Variants in YEATS2 observed in about 807,000 individuals in gnomAD.
The protein encoded by YEATS2 is YEATS domain-containing protein 2.
YEATS2 carries 77 observed loss-of-function variants against 163.2 expected under a neutral mutation model. The ratio of observed to expected loss-of-function variants is 0.47; its 90% CI spans 0.39 to 0.57. The LOEUF is 0.57. Among genes scored for constraint, YEATS2 ranks in the 20% least tolerant of loss-of-function variants. The pLI is 0.00. For missense variants in YEATS2, 1,549 were observed against 1,729.8 expected, an observed-to-expected ratio of 0.90 and a Z score of 1.85; for synonymous variants, 631 against 645.1, an observed-to-expected ratio of 0.98 and a Z score of 0.33.
At chr3:183,721,112 A>G (rs1716448711) in intron 4 of YEATS2, among the ~76,000 whole-genome samples, 1 of 152,106 alleles carries the variant, frequency 6.6e-6, no homozygotes, top group Non-Finnish European at 1.5e-5. Context: ...TTTGATTAGG[A>G]TTTATTCAGG....
At chr3:183,721,153 A>G (rs1007872018) in intron 4 of YEATS2, among the ~76,000 whole-genome samples, 1 of 152,220 alleles carries the variant, frequency 6.6e-6, no homozygotes, top group Non-Finnish European at 1.5e-5. Flanking sequence ...TCTCGTGATC[A>G]ACCATTTAAT....
intron 1 of YEATS2, among the ~76,000 whole-genome samples, chr3:183,698,884 C>T (rs1713776201): frequency 6.6e-6 from 1 of 152,116 alleles, no homozygotes; most frequent in Admixed American, 6.6e-5. Flanking sequence ...AAAATGCCCG[C>T]AGTTTTACGA....
At chr3:183,741,997 C>T (rs1319202924) in intron 8 of YEATS2, among the ~76,000 whole-genome samples, 1 of 151,184 alleles carries the variant, frequency 6.6e-6, no homozygotes, top group Non-Finnish European at 1.5e-5. Context: ...TTGTGTGAGC[C>T]CAGGAGTTTG....
At chr3:183,763,924 C>T (rs184890380) in intron 15 of YEATS2, among the ~76,000 whole-genome samples, 8 of 152,012 alleles carry the variant, frequency 5.3e-5, no homozygotes, top group African/African-American at 1.2e-4. Flanking sequence ...AAAAACCGAG[C>T]GTGGTGGGTG....
At position 183,811,621 on chromosome 3, in the gene YEATS2, T is replaced by A. The variant is rs973244368; in HGVS notation, c.*1038T>A. On this transcript the variant is annotated 3_prime_UTR_variant, in exon 31 of 31. Transcript: ENST00000305135. ...TAAGGATGCCAGTGCCCAGAAGCAG[T>A]GAGATTAGTCTGTGTCCACAAGCAG... is the stretch of plus-strand genomic sequence containing the variant. The A allele has an allele frequency of 6.6e-6, 1 of 152,444 alleles. No individual in the cohort carries two copies. Among genetic ancestry groups the A allele is most frequent in the African/African-American group, 2.4e-5 (1 of 41,378 alleles). 9.4% of individuals were successfully genotyped at this position (152,444 alleles called of 1,614,324 possible).
At chr3:183,718,707 GTTTTTTT>G in intron 4 of YEATS2, 115 bp downstream of exon 4, 1 of 905,762 alleles carries the variant, frequency 1.1e-6, no homozygotes, top group Non-Finnish European at 1.6e-6. Flanking sequence ...TTGTTTTTTG[GTTTTTTT>G]TTGAGACGGA....
At chr3:183,721,147 G>A (rs1046757447) in intron 4 of YEATS2, among the ~76,000 whole-genome samples, 10 of 152,098 alleles carry the variant, frequency 6.6e-5, no homozygotes, top group Non-Finnish European at 8.8e-5. Flanking sequence ...CTTTTGTCTC[G>A]TGATCAACCA....
At chr3:183,730,361 G>A (rs1370125918) in intron 7 of YEATS2, among the ~76,000 whole-genome samples, 4 of 151,932 alleles carry the variant, frequency 2.6e-5, no homozygotes, top group Admixed American at 6.6e-5. Flanking sequence ...TACCATGTCC[G>A]GCCCATATTG....
chr3:183,733,123 C>T (rs1201175235), intron 7 of YEATS2, among the ~76,000 whole-genome samples: 1 of 152,220 alleles, frequency 6.6e-6, no homozygotes, highest in East Asian at 1.9e-4. Context: ...GAGCCTTGTA[C>T]CCAGCCTCAT....
chr3:183,777,691 G>GT lies in YEATS2; in HGVS notation c.2730dup (p.Thr911TyrfsTer17), dbSNP rs1204148512. 9 of 1,613,948 alleles carry GT rather than the reference G, an allele frequency of 5.6e-6. No homozygotes were observed. The highest frequency in any genetic ancestry group is 6.8e-6 in the Non-Finnish European group (8 of 1,180,004). On this transcript the variant is annotated frameshift_variant, in exon 19 of 31. Transcript: ENST00000305135. LOFTEE classifies it high-confidence loss of function. Reference sequence around the variant, plus strand: ...TCATCTCTGGACAGAAAACCACATTGTTTACACAGGTAAATACGCCCATGC... The same window carrying GT: ...TCATCTCTGGACAGAAAACCACATTGTTTTACACAGGTAAATACGCCCATGC...
In YEATS2 at chr3:183,740,881, A is replaced by G. The variant is rs370503999; in HGVS notation, c.924+4052A>G. On this transcript the variant is annotated intron_variant, in intron 8 of 30. Coordinates refer to ENST00000305135, the MANE Select transcript of YEATS2 (RefSeq NM_018023.5). ...TTTCATAGCTAGAGAGGAGAAGTCA[A>G]TGCCTGGCTTCAGAACATAGGATTG... Among the ~76,000 whole-genome samples, 140 of 152,328 alleles carry G rather than the reference A, an allele frequency of 9.2e-4. 1 individual carries two copies. The highest frequency in any genetic ancestry group is 3.2e-3 in the African/African-American group (131 of 41,572).
intron 13 of YEATS2, among the ~76,000 whole-genome samples, chr3:183,761,225 T>C (rs1043726592): frequency 2.6e-5 from 4 of 151,882 alleles, no homozygotes; most frequent in Admixed American, 1.3e-4. Context: ...GTAGCTGGGA[T>C]TACAGGCACC....
chr3:183,758,488 C>G (rs530138573), intron 12 of YEATS2, among the ~76,000 whole-genome samples: 1 of 152,268 alleles, frequency 6.6e-6, no homozygotes, highest in East Asian at 1.9e-4. Flanking sequence ...GTTGTAGTGT[C>G]TTTTATTGTA....
intron 13 of YEATS2, 48 bp downstream of exon 13, chr3:183,759,013 T>G (rs1433825134): frequency 7.7e-7 from 1 of 1,296,662 alleles, no homozygotes; most frequent in Non-Finnish European, 1.1e-6. Flanking sequence ...CTTTTTCTTT[T>G]CATTTTTAAA....
intron 19 of YEATS2, among the ~76,000 whole-genome samples, 175 bp from the exon 20 acceptor site, chr3:183,785,950 G>T (rs1455961081): frequency 6.6e-6 from 1 of 152,168 alleles, no homozygotes; most frequent in Non-Finnish European, 1.5e-5. Flanking sequence ...TAGGTGAAAG[G>T]TCATAAAATT....
chr3:183,760,961 T>C (rs2119348), intron 13 of YEATS2, among the ~76,000 whole-genome samples: 2 of 152,286 alleles, frequency 1.3e-5, no homozygotes, highest in East Asian at 3.9e-4. Flanking sequence ...TAGAAGTCTT[T>C]CCAGTGTACA....
At chr3:183,725,916 T>C (rs1717044094) in intron 6 of YEATS2, among the ~76,000 whole-genome samples, 1 of 152,198 alleles carries the variant, frequency 6.6e-6, no homozygotes, top group South Asian at 2.1e-4. Context: ...AAATCTTACT[T>C]CAGGTCTTTT....
At chr3:183,802,514 C>T (rs866446310) in intron 25 of YEATS2, 3,682 of 143,098 alleles carry the variant, frequency 0.026, 195 homozygotes, top group African/African-American at 0.095. Context: ...TGTGTGTATA[C>T]ATGTATATAT....
chr3:183,711,636 AT>A (rs1715231740), intron 1 of YEATS2, among the ~76,000 whole-genome samples: 1 of 152,036 alleles, frequency 6.6e-6, no homozygotes, highest in Admixed American at 6.6e-5. Context: ...GTTTTAGAAT[AT>A]TTTTAAGATT....
Sources: gnomAD v4.1 joint callset for allele counts (sites outside exome capture counted in the v4.1 genomes callset) on GRCh38, gnomAD v4.1.1 for gene constraint, MANE v1.5 for transcripts, NCBI Gene and HGNC (gene_info 2026-07-23, HGNC 2026-07-21) for gene names.